GPI: variants seen among roughly 807,000 people sequenced by gnomAD.
The protein encoded by GPI is glucose-6-phosphate isomerase.
A neutral mutation model predicts 75.8 loss-of-function variants in GPI; 56 were observed. The ratio of observed to expected loss-of-function variants is 0.74; its 90% CI spans 0.60 to 0.92. The LOEUF is 0.92. GPI is among the 40% of genes least tolerant of loss of function. The probability of loss-of-function intolerance (pLI) is 0.00; values close to 1 mark genes in which losing one functional copy is unlikely to be tolerated. For synonymous variants in GPI, 288 were observed against 285.4 expected (o/e 1.01, Z -0.09); for missense variants, 638 against 741.0 (o/e 0.86, Z 1.61).
upstream of GPI, among the ~76,000 whole-genome samples, chr19:34,360,773 ATTTC>A (rs1288738702): frequency 1.9e-4 from 29 of 151,956 alleles, no homozygotes; most frequent in East Asian, 4.9e-3. Context: ...CTTGTTTCAT[ATTTC>A]TTTCTTTCTA....
At position 34,365,377 on chromosome 19, in the gene GPI, C is replaced by T. The variant is rs1356379693; in HGVS notation, c.111C>T (p.Phe37=). The stretch of plus-strand genomic sequence containing the variant: ...TCTTCGATGCCAACAAGGACCGCTT[C>T]AACCACTTCAGGTGCGGGCGGGCCG... ...RRLFDANKDR[F]NHFSLTLNTN... Residue 37 remains phenylalanine (F), a synonymous_variant, in exon 1 of 18, where the codon TTC becomes TTT. Transcript: ENST00000356487. The T allele has an allele frequency of 3.2e-6, 5 of 1,586,956 alleles. No individual in the cohort carries two copies. Among genetic ancestry groups the T allele is most frequent in the Non-Finnish European group, 3.4e-6 (4 of 1,169,440 alleles).
At chr19:34,372,696 G>T (rs1347067908) in intron 4 of GPI, among the ~76,000 whole-genome samples, 1 of 152,140 alleles carries the variant, frequency 6.6e-6, no homozygotes. Context: ...TATAATCCCA[G>T]CATTTTGGAA....
chr19:34,379,985 G>GTTTTTTTTTTTTTTTTTTTTTTTTTT lies in GPI; in HGVS notation c.750+427_750+428insTTTTTTTTTTTTTTTTTTTTTTTTTT, dbSNP rs1356302354. The GTTTTTTTTTTTTTTTTTTTTTTTTTT allele has an allele frequency of 2.4e-5, 3 of 127,574 alleles. 1 individual carries two copies. Among genetic ancestry groups the GTTTTTTTTTTTTTTTTTTTTTTTTTT allele is most frequent in the African/African-American group, 7.9e-5 (2 of 25,198 alleles). The allele number at this position is 127,574 out of a possible 1,614,324, so 7.9% of individuals were successfully genotyped here. A position where few individuals can be genotyped will look rare whatever the true frequency, so the allele number is the denominator to read the frequency against. The stretch of plus-strand genomic sequence containing the variant: ...TTTTGCCCCCTACTTAGTGTGTGTG[G>GTTTTTTTTTTTTTTTTTTTTTTTTTT]TTTTGTTTTTTTTTTTTTTTTTTTT... On this transcript the variant is annotated intron_variant, in intron 8 of 17. Coordinates refer to ENST00000356487, the MANE Select transcript of GPI (RefSeq NM_000175.5).
rs2074898249 is a variant in GPI at position 34,393,567 on chromosome 19, G to A, written c.866-161G>A. The stretch of plus-strand genomic sequence containing the variant: ...AGGCAGAGTCAGATCCCTGCACTCA[G>A]GGCCACCTCTCACTGGAGGGGCTTT... On this transcript the variant is annotated intron_variant, in intron 10 of 17. Transcript: ENST00000356487. This position sits in a 1 kb window ranked among gnomAD's most constrained non-coding sequence, Gnocchi z 4.4. The A allele has an allele frequency of 1.3e-6, 1 of 748,002 alleles. No individual in the cohort carries two copies. The highest frequency in any genetic ancestry group is 1.7e-5 in the African/African-American group (1 of 58,056). 46.3% of individuals were successfully genotyped at this position (748,002 alleles called of 1,614,324 possible).
chr19:34,381,319 G>A (rs2074647627), intron 8 of GPI, 147 bp from the exon 9 acceptor site: 1 of 735,076 alleles, frequency 1.4e-6, no homozygotes, highest in South Asian at 1.4e-5. Flanking sequence ...TCGACTCACA[G>A]GCTGCTCCAG....
chr19:34,364,300 A>G (rs1048613274), upstream of GPI, among the ~76,000 whole-genome samples: 3 of 151,970 alleles, frequency 2.0e-5, no homozygotes, highest in African/African-American at 7.3e-5. Flanking sequence ...GATTATAGGC[A>G]GGAGTGCCCA....
upstream of GPI, among the ~76,000 whole-genome samples, chr19:34,363,587 T>C (rs1387835198): frequency 6.6e-6 from 1 of 152,132 alleles, no homozygotes; most frequent in Non-Finnish European, 1.5e-5. Context: ...TTTGGGAGGC[T>C]GAGGCAGGCG....
chr19:34,400,143 G>A lies in GPI; in HGVS notation c.*107G>A. ...TGGACACCACCCAGAGCACCCTCTGGTTGTGGGCTTGGACCACGAGCCCTT... is the reference window on the plus strand; with the variant it reads ...TGGACACCACCCAGAGCACCCTCTGATTGTGGGCTTGGACCACGAGCCCTT... On this transcript the variant is annotated 3_prime_UTR_variant, in exon 18 of 18. Coordinates refer to ENST00000356487, the MANE Select transcript of GPI (RefSeq NM_000175.5). 3 of 1,275,536 alleles carry A rather than the reference G, an allele frequency of 2.4e-6. No individual in the cohort carries two copies. Among genetic ancestry groups the A allele is most frequent in the Admixed American group, 3.4e-5 (2 of 59,124 alleles). The allele number at this position is 1,275,536 out of a possible 1,614,324, so 79.0% of individuals were successfully genotyped here.
rs1329132973 is a variant in GPI, at chr19:34,369,785, C to T, written c.402+1083C>T. Among the ~76,000 whole-genome samples the T allele has an allele frequency of 5.3e-5, 8 of 151,890 alleles. No homozygotes were observed. In the South Asian group the frequency reaches 1.5e-3, roughly 28 times the overall value. ...CTTTGTAAAGTTTCCTGTAGCCAGG[C>T]GCAGCAGCTCATACCTCTATTCCCA... On this transcript the variant is annotated intron_variant, in intron 4 of 17. Transcript: ENST00000356487.
Position 34,396,661 on chromosome 19 carries a change from A to G in GPI, c.1269+4A>G. ...ACGGAAGGGTCTGCATCACAAGGTA[A>G]GAGCCCCCATCTGGCCCCATCTGGG... On this transcript the variant is annotated splice_donor_region_variant and intron_variant, in intron 14 of 17. Transcript: ENST00000356487. 1.2e-6 allele frequency: 2 copies of G among 1,613,640 alleles called. No homozygotes were observed. The highest frequency in any genetic ancestry group is 1.7e-6 in the Non-Finnish European group (2 of 1,179,596).
chr19:34,396,603 C>A lies in GPI; in HGVS notation c.1215C>A (p.Asp405Glu), dbSNP rs370599608. 3.1e-6 allele frequency: 5 copies of A among 1,614,092 alleles called. No homozygotes were observed. Among genetic ancestry groups the A allele is most frequent in the South Asian group, 1.1e-5 (1 of 91,092 alleles). The change falls in exon 14 of 18, where the codon GAC (aspartate) becomes GAA (glutamate). Residue 405 changes from aspartate to glutamate, a missense_variant. By Grantham distance (45) the Asp-to-Glu change is conservative. Transcript: ENST00000356487. ...IHQGTKMIPC[D>E]FLIPVQTQHP... ...CAGGCACCAAGATGATACCCTGTGACTTCCTCATCCCGGTCCAGACCCAGC... is the reference window on the plus strand; with the variant it reads ...CAGGCACCAAGATGATACCCTGTGAATTCCTCATCCCGGTCCAGACCCAGC...
rs1218098505 is a variant in GPI, at chr19:34,368,711, C to G, written c.402+9C>G. On this transcript the variant is annotated intron_variant, in intron 4 of 17. Transcript: ENST00000356487. ...TGAAGTCTTTCTGCCAGGTAAGTGGCTACTGGGCCGGACTCACCCTTGGCC... is the reference window on the plus strand; with the variant it reads ...TGAAGTCTTTCTGCCAGGTAAGTGGGTACTGGGCCGGACTCACCCTTGGCC... 1.2e-6 allele frequency: 2 copies of G among 1,614,172 alleles called. No individual in the cohort carries two copies. The highest frequency in any genetic ancestry group is 2.2e-5 in the South Asian group (2 of 91,086).
At chr19:34,360,471 T>C (rs1401854344), upstream of GPI, among the ~76,000 whole-genome samples, 1 of 152,086 alleles carries the variant, frequency 6.6e-6, no homozygotes, top group Non-Finnish European at 1.5e-5. Flanking sequence ...GGGGTGGTCA[T>C]GCCTGTAGTT....
intron 4 of GPI, among the ~76,000 whole-genome samples, chr19:34,375,787 A>G (rs2074526868): frequency 6.6e-6 from 1 of 152,206 alleles, no homozygotes; most frequent in South Asian, 2.1e-4. Flanking sequence ...CTCTGAACTC[A>G]CTTCTGAAGT....
At position 34,399,968 on chromosome 19, in the gene GPI, T is replaced by G. The variant is rs1454112938; in HGVS notation, c.1609T>G (p.Ser537Ala). ...PELDGSAQVT[S>A]HDASTNGLIN... Reference sequence around the variant, plus strand: ...GCTTGATGGCAGTGCTCAAGTGACCTCTCACGACGCTTCTACCAATGGGCT... The same window carrying G: ...GCTTGATGGCAGTGCTCAAGTGACCGCTCACGACGCTTCTACCAATGGGCT... The change falls in exon 18 of 18, where the codon TCT becomes GCT. Residue 537 changes from serine (S) to alanine (A), a missense_variant. Coordinates refer to ENST00000356487, the MANE Select transcript of GPI (RefSeq NM_000175.5). 2 of 1,613,710 alleles carry G rather than the reference T, an allele frequency of 1.2e-6. No homozygotes were observed. The highest frequency in any genetic ancestry group is 8.5e-7 in the Non-Finnish European group (1 of 1,179,892).
Position 34,393,844 on chromosome 19 carries a change from T to C in GPI, c.910-70T>C, listed in dbSNP as rs1599853387. 1 of 1,601,696 alleles carries C rather than the reference T, an allele frequency of 6.2e-7. No homozygotes were observed. ...GTGTTGGTCCTGGTCCCCCGCTTTC[T>C]CCCCCACTGTCCTGTCCCTCCCCTC... On this transcript the variant is annotated intron_variant, in intron 11 of 17. Coordinates refer to ENST00000356487, the MANE Select transcript of GPI (RefSeq NM_000175.5). The surrounding 1 kb of genome is among the most constrained non-coding windows in gnomAD (Gnocchi z 4.4).
At chr19:34,389,078 C>T (rs576339917) in intron 9 of GPI, among the ~76,000 whole-genome samples, 137 of 151,894 alleles carry the variant, frequency 9.0e-4, no homozygotes, top group African/African-American at 3.2e-3. Context: ...GGCAACAGAG[C>T]AAGACCCTGT....
upstream of GPI, chr19:34,359,913 T>G (rs545701684): frequency 6.6e-6 from 1 of 152,440 alleles, no homozygotes; most frequent in African/African-American, 2.4e-5. Flanking sequence ...GCTAGCTTCA[T>G]CAATACTCAG....
chr19:34,370,269 G>C (rs1023264203), intron 4 of GPI, among the ~76,000 whole-genome samples: 17 of 152,204 alleles, frequency 1.1e-4, no homozygotes, highest in Non-Finnish European at 2.1e-4. Flanking sequence ...TCTGGAGAAC[G>C]AGGGTGATGC....
Sources: allele counts gnomAD v4.1 joint callset (sites outside exome capture counted in the v4.1 genomes callset), GRCh38; gene constraint gnomAD v4.1.1; non-coding constraint Gnocchi (gnomAD v3.1); transcripts MANE v1.5; gene names NCBI Gene and HGNC (gene_info 2026-07-23, HGNC 2026-07-21).